Variants in CCNY observed in about 807,000 individuals in gnomAD.
CCNY encodes cyclin Y, also known as cyclin-Y.
CCNY carries 19 observed loss-of-function variants against 42.8 expected under a neutral mutation model. The ratio of observed to expected loss-of-function variants is 0.44; its 90% CI spans 0.31 to 0.65. The LOEUF (loss-of-function observed/expected upper bound fraction) is 0.65, where lower values mean the gene tolerates loss of function less well. Among genes scored for constraint, CCNY ranks in the 30% least tolerant of loss-of-function variants. The pLI, the probability that CCNY is intolerant of heterozygous loss-of-function variation, is 0.07. For synonymous variants in CCNY, 165 were observed against 162.7 expected (o/e 1.01, Z -0.11); for missense variants, 370 against 437.3 (o/e 0.85, Z 1.37).
chr10:35,549,098 A>T (rs899338795), intron 7 of CCNY, among the ~76,000 whole-genome samples: 1 of 42,896 alleles, frequency 2.3e-5, no homozygotes, highest in Non-Finnish European at 4.7e-5. Context: ...CTCACCACCC[A>T]CCCCACCCCC....
chr10:35,399,798 C>T (rs1837605415), intron 1 of CCNY, among the ~76,000 whole-genome samples: 1 of 152,134 alleles, frequency 6.6e-6, no homozygotes, highest in South Asian at 2.1e-4. Context: ...TAATATGCTC[C>T]CTTCAGTGCC....
At chr10:35,507,297 A>C (rs1840234872) in intron 3 of CCNY, among the ~76,000 whole-genome samples, 1 of 152,172 alleles carries the variant, frequency 6.6e-6, no homozygotes, top group African/African-American at 2.4e-5. Flanking sequence ...GTGTGTGTAC[A>C]TATATATGTT....
intron 1 of CCNY, among the ~76,000 whole-genome samples, chr10:35,431,545 C>G (rs1363464330): frequency 6.6e-6 from 1 of 150,892 alleles, no homozygotes; most frequent in Non-Finnish European, 1.5e-5. Flanking sequence ...GTAGCACAGT[C>G]TGTCATTGCT....
At chr10:35,373,755 G>A (rs1161007859) in intron 1 of CCNY, among the ~76,000 whole-genome samples, 1 of 151,030 alleles carries the variant, frequency 6.6e-6, no homozygotes, top group Non-Finnish European at 1.5e-5. Context: ...TATGAATATA[G>A]TATATACATA....
chr10:35,262,942 G>A (rs911632464), intron 3 of CCNY, among the ~76,000 whole-genome samples: 6 of 150,788 alleles, frequency 4.0e-5, no homozygotes, highest in South Asian at 4.2e-4. Flanking sequence ...AAAAGGTCAC[G>A]TGTGGTGGCT....
intron 1 of CCNY, among the ~76,000 whole-genome samples, chr10:35,440,408 T>G (rs1214428511): frequency 6.6e-6 from 1 of 152,172 alleles, no homozygotes; most frequent in Non-Finnish European, 1.5e-5. Context: ...ACTGCTCAAC[T>G]CTGCTGTTGA....
At chr10:35,357,922 TA>T (rs901252835) in intron 1 of CCNY, among the ~76,000 whole-genome samples, 4 of 152,132 alleles carry the variant, frequency 2.6e-5, no homozygotes, top group Admixed American at 6.5e-5. Context: ...TTTAATCTAT[TA>T]TTTTTTTTTT....
chr10:35,443,156 A>G (rs766889630), intron 1 of CCNY, among the ~76,000 whole-genome samples: 5 of 152,208 alleles, frequency 3.3e-5, no homozygotes, highest in East Asian at 1.9e-4. Flanking sequence ...AAGTGGGTGG[A>G]GAGTGACTCT....
At chr10:35,286,013 T>G (rs1388112144) in intron 3 of CCNY, among the ~76,000 whole-genome samples, 1 of 151,626 alleles carries the variant, frequency 6.6e-6, no homozygotes, top group Non-Finnish European at 1.5e-5. Flanking sequence ...GGTTTCTCCA[T>G]GTTGGTCAGG....
At chr10:35,406,484 G>A (rs1364595647) in intron 1 of CCNY, among the ~76,000 whole-genome samples, 6 of 151,868 alleles carry the variant, frequency 4.0e-5, no homozygotes, top group African/African-American at 7.3e-5. Context: ...ATCTTGCACC[G>A]CCCTTAATCC....
At chr10:35,252,479 T>C (rs2095712625) in intron 3 of CCNY, among the ~76,000 whole-genome samples, 1 of 143,072 alleles carries the variant, frequency 7.0e-6, no homozygotes, top group Non-Finnish European at 1.5e-5. Flanking sequence ...GGCAGGAGAA[T>C]GGCGTGAACC....
intron 1 of CCNY, among the ~76,000 whole-genome samples, chr10:35,406,339 CA>C (rs1364427761): frequency 1.3e-5 from 2 of 151,596 alleles, no homozygotes; most frequent in Admixed American, 6.6e-5. Flanking sequence ...AACAAGTGAA[CA>C]AAGGTCTCTG....
At chr10:35,503,993 T>G (rs1840164663) in intron 3 of CCNY, among the ~76,000 whole-genome samples, 1 of 152,224 alleles carries the variant, frequency 6.6e-6, no homozygotes. Flanking sequence ...AATTTATCAT[T>G]TAGTTTGTTA....
At chr10:35,505,104 A>G (rs1729031530) in intron 3 of CCNY, among the ~76,000 whole-genome samples, 1 of 151,390 alleles carries the variant, frequency 6.6e-6, no homozygotes, top group African/African-American at 2.4e-5. Context: ...CTCTGATTAT[A>G]GATTGTGGGT....
intron 8 of CCNY, among the ~76,000 whole-genome samples, chr10:35,563,618 A>G (rs556707046): frequency 1.3e-5 from 2 of 152,352 alleles, no homozygotes; most frequent in South Asian, 4.1e-4. Flanking sequence ...AGTATTTCAC[A>G]GGATGATCTC....
intron 8 of CCNY, among the ~76,000 whole-genome samples, chr10:35,560,531 G>T (rs958248618): frequency 6.6e-6 from 1 of 152,200 alleles, no homozygotes; most frequent in Non-Finnish European, 1.5e-5. Flanking sequence ...AGCCTCAGGA[G>T]ATACCAGTCT....
At chr10:35,368,884 AG>A (rs1836868709) in intron 1 of CCNY, among the ~76,000 whole-genome samples, 1 of 150,898 alleles carries the variant, frequency 6.6e-6, no homozygotes, top group Non-Finnish European at 1.5e-5. Flanking sequence ...TGAGGCTGGG[AG>A]GGTGGGGCTG....
intron 2 of CCNY, among the ~76,000 whole-genome samples, chr10:35,486,784 C>G (rs1012970101): frequency 6.6e-6 from 1 of 152,242 alleles, no homozygotes; most frequent in African/African-American, 2.4e-5. Flanking sequence ...CTTGCTTCCT[C>G]AAGTCTGCCA....
At chr10:35,316,205 A>G (rs1835757651) in intron 3 of CCNY, 1 of 152,222 alleles carries the variant, frequency 6.6e-6, no homozygotes, top group South Asian at 2.1e-4. Context: ...AGTGTACTAG[A>G]GTAACAGAGC....
Sources: gnomAD v4.1 joint callset for allele counts (sites outside exome capture counted in the v4.1 genomes callset) on GRCh38, gnomAD v4.1.1 for gene constraint, MANE v1.5 for transcripts, NCBI Gene and HGNC (gene_info 2026-07-23, HGNC 2026-07-21) for gene names.